SPECC1: variants seen among roughly 807,000 people sequenced by gnomAD.
SPECC1 encodes the protein cytospin-B.
Under a neutral mutation model 104.1 loss-of-function variants are expected in SPECC1, and 62 were observed. That is an observed-to-expected ratio of 0.60 (90% CI 0.49 to 0.74). The LOEUF is 0.74. Ranked by LOEUF, SPECC1 falls within the 30% of genes least tolerant of loss-of-function variation. The probability of loss-of-function intolerance (pLI) is 0.00; values close to 1 mark genes in which losing one functional copy is unlikely to be tolerated. For synonymous variants in SPECC1, 513 were observed against 501.6 expected (o/e 1.02, Z -0.30); for missense variants, 1,306 against 1,310.5 (o/e 1.00, Z 0.05).
intron 5 of SPECC1, among the ~76,000 whole-genome samples, chr17:20,230,303 T>G (rs966430119): frequency 1.3e-5 from 2 of 152,192 alleles, no homozygotes; most frequent in Non-Finnish European, 2.9e-5. Flanking sequence ...TTTCAGACAT[T>G]GACTAGTTGG....
intron 3 of SPECC1, among the ~76,000 whole-genome samples, chr17:20,148,678 C>T (rs904376644): frequency 7.2e-5 from 11 of 151,822 alleles, no homozygotes; most frequent in African/African-American, 2.7e-4. Context: ...ATCCAGGTAT[C>T]TGTGTCTATA....
intron 3 of SPECC1, among the ~76,000 whole-genome samples, chr17:20,170,110 C>T (rs538312609): frequency 1.3e-5 from 2 of 152,204 alleles, no homozygotes; most frequent in Non-Finnish European, 2.9e-5. Flanking sequence ...TGCCCTCCTC[C>T]GTCCAGTTTG....
At chr17:20,202,738 GT>G (rs1471443832) in intron 3 of SPECC1, among the ~76,000 whole-genome samples, 2 of 152,142 alleles carry the variant, frequency 1.3e-5, no homozygotes, top group Non-Finnish European at 2.9e-5. Context: ...TAGTAGTTAA[GT>G]TTCTGGGGAG....
intron 13 of SPECC1, among the ~76,000 whole-genome samples, chr17:20,298,984 G>GTGTGTGTGTGTTT (rs1395919924): frequency 1.3e-5 from 1 of 76,868 alleles, no homozygotes; most frequent in African/African-American, 5.4e-5. Context: ...TGTAGAGAGA[G>GTGTGTGTGTGTTT]AGAGAGAGAG....
chr17:20,051,071 T>TCTTC (rs1555597673), intron 1 of SPECC1, among the ~76,000 whole-genome samples: 1,540 of 38,040 alleles, frequency 0.04, 59 homozygotes, highest in African/African-American at 0.13. Context: ...TCTTTCTTTT[T>TCTTC]CTTTCTTTCT....
intron 1 of SPECC1, among the ~76,000 whole-genome samples, chr17:20,059,651 C>T (rs748925135): frequency 1.3e-5 from 2 of 152,140 alleles, no homozygotes; most frequent in Non-Finnish European, 2.9e-5. Flanking sequence ...GTACCTTGGT[C>T]GTTGTATATG....
At chr17:20,105,247 A>T (rs1202267251) in intron 2 of SPECC1, among the ~76,000 whole-genome samples, 2 of 152,108 alleles carry the variant, frequency 1.3e-5, no homozygotes, top group African/African-American at 4.8e-5. Context: ...GCAGTGCCAC[A>T]CCCCACTAAT....
At chr17:20,278,592 A>G (rs927057220) in intron 12 of SPECC1, among the ~76,000 whole-genome samples, 1 of 152,132 alleles carries the variant, frequency 6.6e-6, no homozygotes, top group Non-Finnish European at 1.5e-5. Flanking sequence ...TAATGTCAAC[A>G]CTTTGGAAGG....
intron 9 of SPECC1, among the ~76,000 whole-genome samples, chr17:20,251,426 G>T (rs2039631093): frequency 6.6e-6 from 1 of 152,022 alleles, no homozygotes; most frequent in Admixed American, 6.5e-5. Flanking sequence ...CTTTCCCACA[G>T]GATTGTGAAT....
intron 3 of SPECC1, among the ~76,000 whole-genome samples, chr17:20,136,270 A>C (rs997093359): frequency 1.7e-4 from 26 of 152,060 alleles, no homozygotes; most frequent in African/African-American, 6.0e-4. Context: ...CTGAAAATAC[A>C]AAAATTAGCC....
At chr17:20,017,133 C>G (rs368425770) in intron 1 of SPECC1, 3 of 152,376 alleles carry the variant, frequency 2.0e-5, no homozygotes, top group African/African-American at 2.4e-5. Context: ...GCAGGCTGCC[C>G]GAGCCAAGAG....
At chr17:20,280,298 TC>T (rs1331892912) in intron 12 of SPECC1, among the ~76,000 whole-genome samples, 3 of 152,136 alleles carry the variant, frequency 2.0e-5, no homozygotes, top group Admixed American at 2.0e-4. Flanking sequence ...TTGACCACAA[TC>T]TCATGAGTTA....
At chr17:20,026,191 CT>C (rs983620636) in intron 1 of SPECC1, among the ~76,000 whole-genome samples, 33 of 149,968 alleles carry the variant, frequency 2.2e-4, no homozygotes, top group Non-Finnish European at 4.9e-4. Context: ...CTTTTTTTTC[CT>C]TTTTTTGTTG....
In SPECC1 at chr17:20,108,458, C is replaced by T. The variant is rs931168016; in HGVS notation, c.148-1969C>T. Among the ~76,000 whole-genome samples the T allele has an allele frequency of 2.1e-3, 326 of 152,060 alleles. 4 individuals are homozygous for T. The highest frequency in any genetic ancestry group is 3.3e-4 in the Admixed American group (5 of 15,270). ...ACCACCACCCTGTCAATATGTTGAA[C>T]GTTCCAGCACCCCAGAAGGTTTCTT... On this transcript the variant is annotated intron_variant, in intron 2 of 14. Transcript: ENST00000395527.
chr17:20,105,602 C>T (rs2048160674), intron 2 of SPECC1, among the ~76,000 whole-genome samples: 1 of 152,194 alleles, frequency 6.6e-6, no homozygotes, highest in South Asian at 2.1e-4. Context: ...ACCAGAGACC[C>T]CCCAGCCCTG....
intron 1 of SPECC1, among the ~76,000 whole-genome samples, chr17:20,062,873 A>G (rs903433272): frequency 6.6e-6 from 1 of 151,962 alleles, no homozygotes; most frequent in African/African-American, 2.4e-5. Context: ...TTTTTAGTGG[A>G]GACAGGGTTT....
chr17:20,194,817 C>T (rs754991653), intron 3 of SPECC1, among the ~76,000 whole-genome samples: 1 of 151,986 alleles, frequency 6.6e-6, no homozygotes, highest in Non-Finnish European at 1.5e-5. Context: ...AAAACAGATT[C>T]TTATTGCACC....
chr17:20,237,310 GTTTTGT>G lies in SPECC1; in HGVS notation c.2351+4910_2351+4915del, dbSNP rs1208169979. The G allele has an allele frequency of 8.1e-5, 80 of 993,718 alleles. No homozygotes were observed. The East Asian group carries it at 9.3e-4, about 12-fold the overall frequency. 61.6% of individuals were successfully genotyped at this position (993,718 alleles called of 1,614,324 possible). ...TTGTTGTTGTTGTTGTTGTTGTTTT[GTTTTGT>G]TTTTTTTTTTTTTTTGAGACAGAGT... On this transcript the variant is annotated intron_variant, in intron 7 of 14. Coordinates refer to ENST00000395527, the MANE Select transcript of SPECC1 (RefSeq NM_001243439.2).
chr17:20,237,316 T>A (rs1458760597), intron 7 of SPECC1: 4 of 69,160 alleles, frequency 5.8e-5, no homozygotes, highest in South Asian at 1.5e-3. Context: ...TTTTGTTTTG[T>A]TTTTTTTTTT....
Sources: gnomAD v4.1 joint callset for allele counts (sites outside exome capture counted in the v4.1 genomes callset) on GRCh38, gnomAD v4.1.1 for gene constraint, MANE v1.5 for transcripts, NCBI Gene and HGNC (gene_info 2026-07-23, HGNC 2026-07-21) for gene names.